CLDN4: variants seen among roughly 807,000 people sequenced by gnomAD.
CLDN4 encodes the protein claudin-4.
A neutral mutation model predicts 13.7 loss-of-function variants in CLDN4; 12 were observed. The ratio of observed to expected loss-of-function variants is 0.88; its 90% CI spans 0.56 to 1.42. The LOEUF (loss-of-function observed/expected upper bound fraction) is 1.42. Ranked by LOEUF, CLDN4 falls within the 40% of genes most tolerant of loss-of-function variation. The pLI, the probability that CLDN4 is intolerant of heterozygous loss-of-function variation, is 0.00. For missense variants in CLDN4, 252 were observed against 297.4 expected, an observed-to-expected ratio of 0.85 and a Z score of 1.12; for synonymous variants, 152 against 140.6, an observed-to-expected ratio of 1.08 and a Z score of -0.57.
chr7:73,831,207 C>T lies in CLDN4; in HGVS notation c.6C>T (p.Ala2=), dbSNP rs782714953. M[A]SMGLQVMGIA... ...ACTCCCGTGGACGCTGAACAATGGC[C>T]TCCATGGGGCTACAGGTAATGGGCA... is the stretch of plus-strand genomic sequence containing the variant. The change falls in exon 1 of 1, where the codon GCC becomes GCT. Residue 2 remains alanine, a synonymous_variant. Coordinates refer to ENST00000340958, the MANE Select transcript of CLDN4 (RefSeq NM_001305.5). 18 of 1,559,556 alleles carry T rather than the reference C, an allele frequency of 1.2e-5. No individual in the cohort carries two copies. The highest frequency in any genetic ancestry group is 1.6e-5 in the Non-Finnish European group (18 of 1,149,262).
rs1554634227 is a variant in CLDN4 at position 73,831,939 on chromosome 7, G to A, written c.*108G>A. On this transcript the variant is annotated 3_prime_UTR_variant, in exon 1 of 1. Transcript: ENST00000340958. ...CTGCCACGGGCCACTGGCTGCTGGG[G>A]ACTGGGGACTGGGCAGAGACTGAGC... is the stretch of plus-strand genomic sequence containing the variant. The A allele has an allele frequency of 1.4e-6, 2 of 1,413,012 alleles. No homozygotes were observed. The highest frequency in any genetic ancestry group is 1.4e-5 in the African/African-American group (1 of 69,520). 87.5% of individuals were successfully genotyped at this position (1,413,012 alleles called of 1,614,324 possible).
chr7:73,832,113 G>T lies in CLDN4; in HGVS notation c.*282G>T. 2.2e-6 allele frequency: 1 copy of T among 444,970 alleles called. No individual in the cohort carries two copies. The highest frequency in any genetic ancestry group is 4.1e-6 in the Non-Finnish European group (1 of 243,772). 27.6% of individuals were successfully genotyped at this position (444,970 alleles called of 1,614,324 possible). A position where few individuals can be genotyped will look rare whatever the true frequency, so the allele number is the denominator to read the frequency against. On this transcript the variant is annotated 3_prime_UTR_variant, in exon 1 of 1. Coordinates refer to ENST00000340958, the MANE Select transcript of CLDN4 (RefSeq NM_001305.5). ...GGTGTGGTGGTGGAGTGGGGAGCTG[G>T]CTTCTGCTGGCCAGGATAGCTTAAC...
rs1169561734 is a variant in CLDN4 at position 73,832,076 on chromosome 7, C to A, written c.*245C>A. 4.1e-6 allele frequency: 2 copies of A among 487,922 alleles called. No homozygotes were observed. The highest frequency in any genetic ancestry group is 7.3e-6 in the Non-Finnish European group (2 of 272,798). The allele number at this position is 487,922 out of a possible 1,614,324, so 30.2% of individuals were successfully genotyped here. A position where few individuals can be genotyped will look rare whatever the true frequency, so the allele number is the denominator to read the frequency against. Reference sequence around the variant, plus strand: ...CCCTCCTCTGGATATTGGGGAGGGACGGAAGTGACAGGGTGTGGTGGTGGA... The same window carrying A: ...CCCTCCTCTGGATATTGGGGAGGGAAGGAAGTGACAGGGTGTGGTGGTGGA... On this transcript the variant is annotated 3_prime_UTR_variant, in exon 1 of 1. Transcript: ENST00000340958.
rs1788041069 is a variant in CLDN4 at position 73,831,904 on chromosome 7, C to T, written c.*73C>T. On this transcript the variant is annotated 3_prime_UTR_variant, in exon 1 of 1. Coordinates refer to ENST00000340958, the MANE Select transcript of CLDN4 (RefSeq NM_001305.5). ...CTGAGCTCAGCGCAGGCTGTGACCC[C>T]AGGAGGGCCCTGCCACGGGCCACTG... 6.6e-7 allele frequency: 1 copy of T among 1,507,266 alleles called. No homozygotes were observed. Among genetic ancestry groups the T allele is most frequent in the African/African-American group, 1.4e-5 (1 of 71,674 alleles). The allele number at this position is 1,507,266 out of a possible 1,614,324, so 93.4% of individuals were successfully genotyped here.
chr7:73,831,520 T>G lies in CLDN4; in HGVS notation c.319T>G (p.Cys107Gly), dbSNP rs782732212. 6.2e-7 allele frequency: 1 copy of G among 1,614,100 alleles called. No individual in the cohort carries two copies. Among genetic ancestry groups the G allele is most frequent in the African/African-American group, 1.3e-5 (1 of 74,938 alleles). ...LSVVGGKCTNCLEDESAKAKT... is the reference protein window; with the variant it reads ...LSVVGGKCTNGLEDESAKAKT... The stretch of plus-strand genomic sequence containing the variant: ...CGTGGTGGGGGGCAAGTGTACCAAC[T>G]GCCTGGAGGATGAAAGCGCCAAGGC... The change falls in exon 1 of 1, where the codon TGC becomes GGC. Residue 107 changes from cysteine to glycine, a missense_variant. Coordinates refer to ENST00000340958, the MANE Select transcript of CLDN4 (RefSeq NM_001305.5).
chr7:73,832,202 T>G lies in CLDN4; in HGVS notation c.*371T>G. 1 of 239,794 alleles carries G rather than the reference T, an allele frequency of 4.2e-6. No individual in the cohort carries two copies. Among genetic ancestry groups the G allele is most frequent in the Non-Finnish European group, 8.7e-6 (1 of 114,574 alleles). 14.9% of individuals were successfully genotyped at this position (239,794 alleles called of 1,614,324 possible). On this transcript the variant is annotated 3_prime_UTR_variant, in exon 1 of 1. Transcript: ENST00000340958. ...GTCCCCATTTACATTTTCCCCACTC[T>G]GTCTGCCTGCATCTCCTCTGTTCCG...
In CLDN4 at chr7:73,831,732, C is replaced by G; in HGVS notation, c.531C>G (p.Gly177=). ...GWAASGLLLL[G]GGLLCCNCPP... is the part of the protein sequence containing the mutation. ...CCGCCTCCGGCCTGCTGCTCCTTGG[C>G]GGGGGGCTGCTTTGCTGCAACTGTC... Residue 177 remains glycine, a synonymous_variant, in exon 1 of 1, where the codon GGC becomes GGG. Transcript: ENST00000340958. The G allele has an allele frequency of 6.2e-7, 1 of 1,612,976 alleles. No individual in the cohort carries two copies. Among genetic ancestry groups the G allele is most frequent in the Non-Finnish European group, 8.5e-7 (1 of 1,179,424 alleles).
Position 73,832,189 on chromosome 7 carries a change from AT to A in CLDN4, c.*362del. On this transcript the variant is annotated 3_prime_UTR_variant, in exon 1 of 1. Transcript: ENST00000340958. ...GGCGTTGGCCACTGTCCCCATTTAC[AT>A]TTTCCCCACTCTGTCTGCCTGCATC... The A allele has an allele frequency of 3.8e-6, 1 of 260,384 alleles. No homozygotes were observed. The highest frequency in any genetic ancestry group is 8.4e-5 in the East Asian group (1 of 11,858). The allele number at this position is 260,384 out of a possible 1,614,324, so 16.1% of individuals were successfully genotyped here.
chr7:73,831,664 G>T lies in CLDN4; in HGVS notation c.463G>T (p.Gly155Trp). ...CTTCTACAATCCGCTGGTGGCCTCC[G>T]GGCAGAAGCGGGAGATGGGTGCCTC... Reference protein sequence around the residue: ...QDFYNPLVASGQKREMGASLY... With the variant: ...QDFYNPLVASWQKREMGASLY... Residue 155 changes from glycine (G) to tryptophan (W), a missense_variant, in exon 1 of 1, where the codon GGG becomes TGG. Coordinates refer to ENST00000340958, the MANE Select transcript of CLDN4 (RefSeq NM_001305.5). 6.2e-7 allele frequency: 1 copy of T among 1,614,148 alleles called. No individual in the cohort carries two copies. Among genetic ancestry groups the T allele is most frequent in the Non-Finnish European group, 8.5e-7 (1 of 1,180,012 alleles).
In CLDN4 at chr7:73,831,528, GGAT is replaced by G. The variant is rs781818329; in HGVS notation, c.330_332del (p.Asp110del). The G allele has an allele frequency of 1.9e-6, 3 of 1,614,256 alleles. No homozygotes were observed. Among genetic ancestry groups the G allele is most frequent in the Non-Finnish European group, 2.5e-6 (3 of 1,180,042 alleles). On this transcript the variant is annotated inframe_deletion, in exon 1 of 1. Coordinates refer to ENST00000340958, the MANE Select transcript of CLDN4 (RefSeq NM_001305.5). ...GGGGCAAGTGTACCAACTGCCTGGA[GGAT>G]GAAAGCGCCAAGGCCAAGACCATGA...
In CLDN4 at chr7:73,831,152, G is replaced by A. The variant is rs1016413102; in HGVS notation, c.-50G>A. The A allele has an allele frequency of 6.6e-7, 1 of 1,514,990 alleles. No homozygotes were observed. The highest frequency in any genetic ancestry group is 2.1e-5 in the Admixed American group (1 of 47,738). 93.8% of individuals were successfully genotyped at this position (1,514,990 alleles called of 1,614,324 possible). A position where few individuals can be genotyped will look rare whatever the true frequency, so the allele number is the denominator to read the frequency against. ...CGCTTGGAATCCTACGGCCCCCACA[G>A]CCGGATCCCCTCAGCCTTCCAGGTC... is the stretch of plus-strand genomic sequence containing the variant. On this transcript the variant is annotated 5_prime_UTR_variant, in exon 1 of 1. Transcript: ENST00000340958.
In CLDN4 at chr7:73,831,911, G is replaced by T. The variant is rs1287367674; in HGVS notation, c.*80G>T. 6.7e-7 allele frequency: 1 copy of T among 1,500,006 alleles called. No individual in the cohort carries two copies. The highest frequency in any genetic ancestry group is 8.9e-7 in the Non-Finnish European group (1 of 1,120,638). The allele number at this position is 1,500,006 out of a possible 1,614,324, so 92.9% of individuals were successfully genotyped here. A position where few individuals can be genotyped will look rare whatever the true frequency, so the allele number is the denominator to read the frequency against. On this transcript the variant is annotated 3_prime_UTR_variant, in exon 1 of 1. Coordinates refer to ENST00000340958, the MANE Select transcript of CLDN4 (RefSeq NM_001305.5). ...CAGCGCAGGCTGTGACCCCAGGAGG[G>T]CCCTGCCACGGGCCACTGGCTGCTG...
At position 73,832,248 on chromosome 7, in the gene CLDN4, CT is replaced by C. The variant is rs1788050123; in HGVS notation, c.*418del. On this transcript the variant is annotated 3_prime_UTR_variant, in exon 1 of 1. Transcript: ENST00000340958. ...TTCCGGGTAGGCCTTGATATCACCT[CT>C]GGGACTGTGCCTTGCTCACCGAAAC... is the stretch of plus-strand genomic sequence containing the variant. 1 of 194,770 alleles carries C rather than the reference CT, an allele frequency of 5.1e-6. No individual in the cohort carries two copies. The highest frequency in any genetic ancestry group is 1.2e-5 in the Non-Finnish European group (1 of 86,188). The allele number at this position is 194,770 out of a possible 1,614,324, so 12.1% of individuals were successfully genotyped here.
In CLDN4 at chr7:73,832,018, A is replaced by G; in HGVS notation, c.*187A>G. ...CTCTGGCCCACTCGGACAACTTCCC[A>G]AGGCCGCCTCCTGCTAGCAAGAACA... On this transcript the variant is annotated 3_prime_UTR_variant, in exon 1 of 1. Coordinates refer to ENST00000340958, the MANE Select transcript of CLDN4 (RefSeq NM_001305.5). 1 of 670,604 alleles carries G rather than the reference A, an allele frequency of 1.5e-6. No individual in the cohort carries two copies. Among genetic ancestry groups the G allele is most frequent in the Non-Finnish European group, 2.5e-6 (1 of 407,408 alleles). The allele number at this position is 670,604 out of a possible 1,614,324, so 41.5% of individuals were successfully genotyped here. A position where few individuals can be genotyped will look rare whatever the true frequency, so the allele number is the denominator to read the frequency against.
chr7:73,832,481 G>A lies in CLDN4; in HGVS notation c.*650G>A, dbSNP rs1258297458. ...CCCGCTTCAGCCCAGGGCCCCTGGAGACTGATCCCCTCTGAGTCCTCTGCC... is the reference window on the plus strand; with the variant it reads ...CCCGCTTCAGCCCAGGGCCCCTGGAAACTGATCCCCTCTGAGTCCTCTGCC... On this transcript the variant is annotated 3_prime_UTR_variant, in exon 1 of 1. Transcript: ENST00000340958. The A allele has an allele frequency of 6.0e-6, 1 of 167,290 alleles. No homozygotes were observed. Among genetic ancestry groups the A allele is most frequent in the African/African-American group, 2.4e-5 (1 of 41,450 alleles). 10.4% of individuals were successfully genotyped at this position (167,290 alleles called of 1,614,324 possible).
Position 73,831,122 on chromosome 7 carries a change from C to A in CLDN4, c.-80C>A. 1.4e-6 allele frequency: 2 copies of A among 1,481,344 alleles called. No homozygotes were observed. The highest frequency in any genetic ancestry group is 2.7e-5 in the South Asian group (2 of 74,668). 91.8% of individuals were successfully genotyped at this position (1,481,344 alleles called of 1,614,324 possible). ...GCACTCTGCGAACGTTAAGTCCGTC[C>A]CCAGCGCTTGGAATCCTACGGCCCC... is the stretch of plus-strand genomic sequence containing the variant. On this transcript the variant is annotated 5_prime_UTR_variant, in exon 1 of 1. Transcript: ENST00000340958.
At position 73,831,237 on chromosome 7, in the gene CLDN4, G is replaced by A. The variant is rs782402406; in HGVS notation, c.36G>A (p.Ala12=). 8 of 1,593,846 alleles carry A rather than the reference G, an allele frequency of 5.0e-6. No individual in the cohort carries two copies. The highest frequency in any genetic ancestry group is 4.5e-5 in the East Asian group (2 of 44,564). The stretch of plus-strand genomic sequence containing the variant: ...TGGGGCTACAGGTAATGGGCATCGC[G>A]CTGGCCGTCCTGGGCTGGCTGGCCG... ...ASMGLQVMGI[A]LAVLGWLAVM... is the part of the protein sequence containing the mutation. The change falls in exon 1 of 1, where the codon GCG becomes GCA. Residue 12 remains alanine, a synonymous_variant. Coordinates refer to ENST00000340958, the MANE Select transcript of CLDN4 (RefSeq NM_001305.5).
Position 73,831,437 on chromosome 7 carries a change from C to T in CLDN4, c.236C>T (p.Ala79Val), listed in dbSNP as rs372116449. ...CTGGCACTGCCGCAGGACCTGCAGG[C>T]GGCCCGCGCCCTCGTCATCATCAGC... Reference protein sequence around the residue: ...SLLALPQDLQAARALVIISII... With the variant: ...SLLALPQDLQVARALVIISII... Residue 79 changes from alanine to valine, a missense_variant, in exon 1 of 1, where the codon GCG becomes GTG. Transcript: ENST00000340958. 5.9e-5 allele frequency: 96 copies of T among 1,614,024 alleles called. No individual in the cohort carries two copies. Among genetic ancestry groups the T allele is most frequent in the Non-Finnish European group, 7.3e-5 (86 of 1,180,028 alleles).
chr7:73,831,385 A>C lies in CLDN4; in HGVS notation c.184A>C (p.Met62Leu), dbSNP rs1554634069. The C allele has an allele frequency of 1.9e-6, 3 of 1,613,950 alleles. No individual in the cohort carries two copies. The highest frequency in any genetic ancestry group is 1.3e-5 in the African/African-American group (1 of 74,944). ...CTGCGTGGTGCAGAGCACCGGCCAGATGCAGTGCAAGGTGTACGACTCGCT... is the reference window on the plus strand; with the variant it reads ...CTGCGTGGTGCAGAGCACCGGCCAGCTGCAGTGCAAGGTGTACGACTCGCT... ...MNCVVQSTGQ[M>L]QCKVYDSLLA... The change falls in exon 1 of 1, where the codon ATG (methionine) becomes CTG (leucine). Residue 62 changes from methionine (M) to leucine (L), a missense_variant. Coordinates refer to ENST00000340958, the MANE Select transcript of CLDN4 (RefSeq NM_001305.5).
Sources: allele counts gnomAD v4.1 joint callset, GRCh38; gene constraint gnomAD v4.1.1; transcripts MANE v1.5; gene names NCBI Gene and HGNC (gene_info 2026-07-23, HGNC 2026-07-21).